Variants in DPP6 observed in about 807,000 individuals in gnomAD.
DPP6 encodes A-type potassium channel modulatory protein DPP6.
Under a neutral mutation model 122.6 loss-of-function variants are expected in DPP6, and 69 were observed. The ratio of observed to expected loss-of-function variants is 0.56; its 90% confidence interval spans 0.46 to 0.69. DPP6 has a LOEUF of 0.69. Among genes scored for constraint, DPP6 ranks in the 30% least tolerant of loss-of-function variants. DPP6 has a pLI of 0.00. For synonymous variants in DPP6, 418 were observed against 433.1 expected (o/e 0.97, Z 0.43); for missense variants, 928 against 1,116.9 (o/e 0.83, Z 2.41).
chr7:154,227,091 A>C (rs1449993119), intron 1 of DPP6, among the ~76,000 whole-genome samples: 1 of 152,144 alleles, frequency 6.6e-6, no homozygotes, highest in Non-Finnish European at 1.5e-5. Flanking sequence ...CTCCAAGAGA[A>C]GTGAAATTAT....
chr7:154,559,756 C>T (rs1401104355), intron 4 of DPP6, among the ~76,000 whole-genome samples: 1 of 151,756 alleles, frequency 6.6e-6, no homozygotes, highest in African/African-American at 2.4e-5. Flanking sequence ...AGAAATATCT[C>T]TCAAAAATAA....
intron 2 of DPP6, among the ~76,000 whole-genome samples, chr7:154,471,392 C>T (rs1191617316): frequency 6.6e-6 from 1 of 152,164 alleles, no homozygotes; most frequent in East Asian, 1.9e-4. Flanking sequence ...GCCAAATTTC[C>T]ATCATCCTCA....
At chr7:154,643,794 G>T (rs1472567514) in intron 6 of DPP6, among the ~76,000 whole-genome samples, 2 of 152,186 alleles carry the variant, frequency 1.3e-5, no homozygotes, top group Non-Finnish European at 2.9e-5. Flanking sequence ...GGAGGGGAGG[G>T]TTGAAGGTGT....
intron 3 of DPP6, among the ~76,000 whole-genome samples, chr7:154,491,908 T>C (rs182539292): frequency 1.5e-3 from 227 of 152,302 alleles, no homozygotes; most frequent in African/African-American, 5.3e-3. Context: ...TTCCAGGAAC[T>C]TAATCTCTTT....
chr7:154,662,420 TCGGC>T (rs1837778496), intron 6 of DPP6, among the ~76,000 whole-genome samples: 4 of 122,486 alleles, frequency 3.3e-5, no homozygotes, highest in Admixed American at 8.3e-5. Context: ...CCATGGCGTA[TCGGC>T]TGTAGTGTTC....
chr7:153,817,684 C>T, the DPP6 span, among the ~76,000 whole-genome samples: 2 of 145,222 alleles, frequency 1.4e-5, no homozygotes, highest in African/African-American at 5.1e-5. Context: ...CCAAACACCA[C>T]ATGTTCTCAC....
At position 154,521,176 on chromosome 7, in the gene DPP6, T is replaced by A. The variant is rs1563797753; in HGVS notation, c.458-19356T>A. The stretch of plus-strand genomic sequence containing the variant: ...TTTTGTTCGTTATCAGGAAAGGGCT[T>A]GGCTGATAACACATTTCTGAGGATA... On this transcript the variant is annotated intron_variant, in intron 3 of 25. Coordinates refer to ENST00000377770, the MANE Select transcript of DPP6 (RefSeq NM_130797.4). 2.6e-5 allele frequency among the ~76,000 whole-genome samples: 4 copies of A among 152,362 alleles called. No individual in the cohort carries two copies. The South Asian group carries it at 8.3e-4, about 32-fold the overall frequency.
At chr7:154,589,839 C>T (rs1023632307) in intron 5 of DPP6, among the ~76,000 whole-genome samples, 3 of 152,192 alleles carry the variant, frequency 2.0e-5, no homozygotes, top group East Asian at 3.9e-4. Context: ...TTTCTGTCTC[C>T]GGACTTCGTA....
intron 1 of DPP6, among the ~76,000 whole-genome samples, chr7:154,034,928 A>G (rs1463770435): frequency 6.6e-6 from 1 of 150,932 alleles, no homozygotes; most frequent in Non-Finnish European, 1.5e-5. Flanking sequence ...TACCCCATCT[A>G]TTCAACCCAG....
chr7:153,926,004 C>T (rs944164365), intron 1 of DPP6, among the ~76,000 whole-genome samples: 2 of 152,136 alleles, frequency 1.3e-5, no homozygotes, highest in African/African-American at 4.8e-5. Flanking sequence ...CCTGTAGTTC[C>T]TCAGGGACAC....
chr7:153,966,275 T>C (rs897752357), intron 1 of DPP6, among the ~76,000 whole-genome samples: 1 of 151,308 alleles, frequency 6.6e-6, no homozygotes, highest in African/African-American at 2.4e-5. Flanking sequence ...CTTTGTGTGT[T>C]TGTGCACGTG....
chr7:154,293,527 C>T (rs965680995), intron 1 of DPP6, among the ~76,000 whole-genome samples: 1 of 152,214 alleles, frequency 6.6e-6, no homozygotes, highest in African/African-American at 2.4e-5. Context: ...TTCATCCTGG[C>T]AGCCTAGGAA....
chr7:154,040,738 T>A (rs1405609561), intron 1 of DPP6, among the ~76,000 whole-genome samples: 1 of 152,252 alleles, frequency 6.6e-6, no homozygotes, highest in Non-Finnish European at 1.5e-5. Context: ...ATTCTATATA[T>A]GTTCCTAGGG....
chr7:154,262,811 G>C (rs1262526983), intron 1 of DPP6, among the ~76,000 whole-genome samples: 1 of 151,952 alleles, frequency 6.6e-6, no homozygotes, highest in African/African-American at 2.4e-5. Context: ...TTTTTTTGTG[G>C]CCCAGCTGAG....
At chr7:153,938,474 G>C (rs1801557808) in intron 1 of DPP6, among the ~76,000 whole-genome samples, 1 of 152,180 alleles carries the variant, frequency 6.6e-6, no homozygotes, top group African/African-American at 2.4e-5. Flanking sequence ...TTGACATTTA[G>C]ATCTTTCAGC....
chr7:153,940,586 C>T (rs960053909), intron 1 of DPP6, among the ~76,000 whole-genome samples: 20 of 152,124 alleles, frequency 1.3e-4, no homozygotes, highest in South Asian at 2.1e-4. Context: ...GATGGGACCA[C>T]GGTCTACCCA....
chr7:154,754,676 C>T (rs1017023703), intron 8 of DPP6, among the ~76,000 whole-genome samples: 6 of 152,126 alleles, frequency 3.9e-5, no homozygotes, highest in African/African-American at 1.2e-4. Flanking sequence ...CACATGCACA[C>T]GTATGTTTAT....
chr7:154,567,723 G>A (rs1429584137), intron 5 of DPP6, among the ~76,000 whole-genome samples: 1 of 152,148 alleles, frequency 6.6e-6, no homozygotes, highest in African/African-American at 2.4e-5. Context: ...GTTTCCTGGT[G>A]CTTCTGTGAG....
intron 16 of DPP6, among the ~76,000 whole-genome samples, chr7:154,847,798 G>A (rs940416566): frequency 2.6e-5 from 4 of 152,044 alleles, no homozygotes; most frequent in East Asian, 1.9e-4. Flanking sequence ...TGTACCCTTC[G>A]ACCGATAACT....
Sources: gnomAD v4.1 joint callset for allele counts (sites outside exome capture counted in the v4.1 genomes callset) on GRCh38, gnomAD v4.1.1 for gene constraint, MANE v1.5 for transcripts, NCBI Gene and HGNC (gene_info 2026-07-23, HGNC 2026-07-21) for gene names.